The following DYNC1I1 variants were observed in gnomAD, a reference collection of about 807,000 sequenced individuals.
DYNC1I1 encodes dynein cytoplasmic 1 intermediate chain 1, also known as cytoplasmic dynein 1 intermediate chain 1.
A neutral mutation model predicts 86.6 loss-of-function variants in DYNC1I1; 43 were observed. The observed-to-expected ratio is 0.50, with a 90% CI of 0.39 to 0.64. DYNC1I1 has a LOEUF of 0.64. DYNC1I1 is among the 30% of genes least tolerant of loss of function. The probability of loss-of-function intolerance (pLI) is 0.00; values close to 1 mark genes in which losing one functional copy is unlikely to be tolerated. For missense variants in DYNC1I1, 604 were observed against 788.8 expected, an observed-to-expected ratio of 0.77 and a Z score of 2.81; for synonymous variants, 262 against 283.7, an observed-to-expected ratio of 0.92 and a Z score of 0.77.
intron 5 of DYNC1I1, among the ~76,000 whole-genome samples, chr7:95,868,559 T>A (rs1162812471): frequency 6.6e-6 from 1 of 152,102 alleles, no homozygotes; most frequent in East Asian, 1.9e-4. Flanking sequence ...AGTATACCTT[T>A]TTTTTCTTTT....
In DYNC1I1 at chr7:96,038,465, G is replaced by C. The variant is rs193024947; in HGVS notation, c.1365-812G>C. 5.0e-3 allele frequency among the ~76,000 whole-genome samples: 757 copies of C among 152,286 alleles called. 7 individuals are homozygous for C. Among genetic ancestry groups the C allele is most frequent in the African/African-American group, 0.017 (703 of 41,566 alleles). On this transcript the variant is annotated intron_variant, in intron 13 of 16. Transcript: ENST00000447467. ...TTAGTTAAATAAGCAAGATATGTCTGTGTGTAATTTTTTAAATGTCTATCA... is the reference window on the plus strand; with the variant it reads ...TTAGTTAAATAAGCAAGATATGTCTCTGTGTAATTTTTTAAATGTCTATCA...
At chr7:95,861,044 C>G (rs1356018990) in intron 5 of DYNC1I1, among the ~76,000 whole-genome samples, 2 of 152,130 alleles carry the variant, frequency 1.3e-5, no homozygotes, top group African/African-American at 4.8e-5. Context: ...GCTTGCCTTT[C>G]AGGAATCATT....
chr7:95,900,401 A>G (rs1024872186), intron 6 of DYNC1I1, among the ~76,000 whole-genome samples: 6 of 152,186 alleles, frequency 3.9e-5, no homozygotes, highest in African/African-American at 1.4e-4. Context: ...CTTTATTAAT[A>G]TAATAATCAC....
At chr7:95,790,664 G>A (rs1455483504) in intron 1 of DYNC1I1, among the ~76,000 whole-genome samples, 3 of 152,160 alleles carry the variant, frequency 2.0e-5, no homozygotes, top group Admixed American at 2.0e-4. Context: ...GGGTGACTAT[G>A]GCGAAGAAAG....
At chr7:96,046,876 A>G (rs752279092) in intron 14 of DYNC1I1, among the ~76,000 whole-genome samples, 54 of 152,176 alleles carry the variant, frequency 3.5e-4, no homozygotes, top group Middle Eastern at 3.2e-3. Flanking sequence ...GAGGTAGGAA[A>G]TCAGTGGTCT....
intron 6 of DYNC1I1, among the ~76,000 whole-genome samples, chr7:95,961,203 T>C (rs1255684270): frequency 6.6e-6 from 1 of 152,184 alleles, no homozygotes; most frequent in Admixed American, 6.5e-5. Context: ...ATGACAATAT[T>C]ACTACCACAG....
At chr7:96,090,258 T>TG (rs200082803) in intron 16 of DYNC1I1, among the ~76,000 whole-genome samples, 122 of 151,912 alleles carry the variant, frequency 8.0e-4, no homozygotes, top group South Asian at 3.9e-3. Context: ...TTGTTGTTGT[T>TG]TTGTTGTTGT....
chr7:95,800,413 G>A (rs969260909), intron 1 of DYNC1I1, among the ~76,000 whole-genome samples: 1 of 152,056 alleles, frequency 6.6e-6, no homozygotes, highest in African/African-American at 2.4e-5. Context: ...TATGATGTGG[G>A]GGTGGAGGGA....
intron 5 of DYNC1I1, among the ~76,000 whole-genome samples, chr7:95,847,033 A>C (rs1303039185): frequency 6.6e-6 from 1 of 152,126 alleles, no homozygotes; most frequent in Admixed American, 6.6e-5. Context: ...TCATCCACCA[A>C]GTATGCATTT....
At chr7:95,999,485 C>T (rs935552220) in intron 10 of DYNC1I1, among the ~76,000 whole-genome samples, 1 of 152,092 alleles carries the variant, frequency 6.6e-6, no homozygotes, top group Non-Finnish European at 1.5e-5. Context: ...ATCAGCTAAC[C>T]TCGTTTGTGT....
At chr7:96,055,826 G>A (rs990854874) in intron 14 of DYNC1I1, 22 of 152,234 alleles carry the variant, frequency 1.4e-4, no homozygotes, top group Middle Eastern at 3.4e-3. Flanking sequence ...GTTTATTACT[G>A]GAAATGCACC....
chr7:96,100,770 C>T (rs1791123957), downstream of DYNC1I1, among the ~76,000 whole-genome samples: 1 of 151,630 alleles, frequency 6.6e-6, no homozygotes. Context: ...AAAGCTGTAG[C>T]CTACATTCAC....
intron 5 of DYNC1I1, among the ~76,000 whole-genome samples, chr7:95,836,575 T>G (rs2115981447): frequency 6.6e-6 from 1 of 151,822 alleles, no homozygotes; most frequent in East Asian, 1.9e-4. Flanking sequence ...TCCAACTTGG[T>G]TCCATTCTCC....
chr7:95,779,671 G>T (rs1793935929), intron 1 of DYNC1I1, among the ~76,000 whole-genome samples: 1 of 152,166 alleles, frequency 6.6e-6, no homozygotes, highest in Non-Finnish European at 1.5e-5. Flanking sequence ...TTCCAGCAGA[G>T]AACCTTACTC....
chr7:95,774,504 GCAGA>G (rs1376666198), intron 1 of DYNC1I1, among the ~76,000 whole-genome samples: 6 of 152,182 alleles, frequency 3.9e-5, no homozygotes, highest in Non-Finnish European at 7.3e-5. Context: ...AGGGATATGA[GCAGA>G]GAAAATAAAC....
downstream of DYNC1I1, among the ~76,000 whole-genome samples, chr7:96,101,283 G>A (rs544554110): frequency 6.6e-6 from 1 of 152,188 alleles, no homozygotes; most frequent in South Asian, 2.1e-4. Flanking sequence ...AAAACATAGA[G>A]CAAGAATGGA....
At chr7:96,063,510 A>G (rs1207863750) in intron 14 of DYNC1I1, among the ~76,000 whole-genome samples, 1 of 152,154 alleles carries the variant, frequency 6.6e-6, no homozygotes, top group Non-Finnish European at 1.5e-5. Flanking sequence ...AGGTGTCATC[A>G]GGGTTGGTTT....
chr7:95,858,700 A>G (rs1411647514), intron 5 of DYNC1I1, among the ~76,000 whole-genome samples: 1 of 151,770 alleles, frequency 6.6e-6, no homozygotes, highest in Non-Finnish European at 1.5e-5. Context: ...GGCCACCATC[A>G]TACATATGAT....
At chr7:95,926,795 C>A (rs533896576) in intron 6 of DYNC1I1, among the ~76,000 whole-genome samples, 1 of 152,192 alleles carries the variant, frequency 6.6e-6, no homozygotes, top group Admixed American at 6.5e-5. Context: ...ACACTGTTGA[C>A]CTTGTTCTTT....
Sources: allele counts gnomAD v4.1 joint callset (sites outside exome capture counted in the v4.1 genomes callset), GRCh38; gene constraint gnomAD v4.1.1; transcripts MANE v1.5; gene names NCBI Gene and HGNC (gene_info 2026-07-23, HGNC 2026-07-21).